The following SCLT1 variants were observed in gnomAD, a reference collection of about 807,000 sequenced individuals.
The protein encoded by SCLT1 is sodium channel and clathrin linker 1, also known as sodium channel-associated protein 1.
In SCLT1, 78 loss-of-function variants were observed where a neutral mutation model predicts 112.8. That is an observed-to-expected ratio of 0.69 (90% CI 0.58 to 0.83). The LOEUF is 0.83. SCLT1 is among the 40% of genes least tolerant of loss of function. The pLI is 0.00. For missense variants in SCLT1, 747 were observed against 770.4 expected, an observed-to-expected ratio of 0.97 and a Z score of 0.36; for synonymous variants, 257 against 254.7, an observed-to-expected ratio of 1.01 and a Z score of -0.09.
In SCLT1 at chr4:129,062,782, T is replaced by C. The variant is rs145720931; in HGVS notation, c.103-18731A>G. On this transcript the variant is annotated intron_variant, in intron 2 of 20. Transcript: ENST00000281142. ...GATTGCCTACGGAAGTTCCTTTGTATGTTATAAGTCCTTTTCTCTTGCTGC... is the reference window on the plus strand; with the variant it reads ...GATTGCCTACGGAAGTTCCTTTGTACGTTATAAGTCCTTTTCTCTTGCTGC... Among the ~76,000 whole-genome samples, 616 of 152,306 alleles carry C rather than the reference T, an allele frequency of 4.0e-3. 9 individuals carry two copies. The highest frequency in any genetic ancestry group is 0.016 in the East Asian group (84 of 5,186).
At position 129,051,338 on chromosome 4, in the gene SCLT1, T is replaced by C. The variant is rs547013823; in HGVS notation, c.103-7287A>G. ...GCACAGCATGGCCATTTTCACAATA[T>C]TGATTCTTCCTATCCATGAGCATGG... On this transcript the variant is annotated intron_variant, in intron 2 of 20. Transcript: ENST00000281142. Among the ~76,000 whole-genome samples, 53 of 152,322 alleles carry C rather than the reference T, an allele frequency of 3.5e-4. No homozygotes were observed. The South Asian group carries it at 5.2e-3, about 15-fold the overall frequency.
At chr4:128,878,015 C>A (rs570777214) in intron 3 of SCLT1, among the ~76,000 whole-genome samples, 1 of 152,212 alleles carries the variant, frequency 6.6e-6, no homozygotes, top group African/African-American at 2.4e-5. Flanking sequence ...AAAAGAATAA[C>A]TGAACTCTAC....
intron 5 of SCLT1, among the ~76,000 whole-genome samples, chr4:129,020,859 C>G (rs1396022324): frequency 3.3e-5 from 5 of 152,106 alleles, no homozygotes; most frequent in Non-Finnish European, 7.4e-5. Flanking sequence ...AAGCACTGTT[C>G]AGTGGTGGTA....
intron 2 of SCLT1, among the ~76,000 whole-genome samples, chr4:129,053,859 T>C (rs1035951303): frequency 6.6e-6 from 1 of 152,114 alleles, no homozygotes; most frequent in Non-Finnish European, 1.5e-5. Context: ...CAATGGTCTT[T>C]ACAATTTGGT....
At chr4:128,934,791 C>T (rs1431477237) in intron 18 of SCLT1, among the ~76,000 whole-genome samples, 2 of 151,656 alleles carry the variant, frequency 1.3e-5, no homozygotes, top group South Asian at 2.1e-4. Context: ...GTTTTGTCAA[C>T]CTTTTATTTC....
intron 15 of SCLT1, 74 bp downstream of exon 15, chr4:128,948,422 A>C (rs1738393178): frequency 6.5e-7 from 1 of 1,534,292 alleles, no homozygotes; most frequent in East Asian, 2.4e-5. Context: ...AGTAGATGGC[A>C]TGATGGAGGC....
At chr4:129,071,681 T>A (rs1172721744) in intron 2 of SCLT1, among the ~76,000 whole-genome samples, 2 of 152,198 alleles carry the variant, frequency 1.3e-5, no homozygotes, top group Admixed American at 1.3e-4. Flanking sequence ...TTTAAGTTTA[T>A]GTGAGTCCTT....
At chr4:129,024,810 A>C (rs1294391009) in intron 5 of SCLT1, among the ~76,000 whole-genome samples, 1 of 152,168 alleles carries the variant, frequency 6.6e-6, no homozygotes, top group Non-Finnish European at 1.5e-5. Flanking sequence ...AAAAAAATTT[A>C]GATGAATGTA....
At chr4:129,059,671 A>G (rs1250459167) in intron 2 of SCLT1, among the ~76,000 whole-genome samples, 1 of 151,994 alleles carries the variant, frequency 6.6e-6, no homozygotes, top group African/African-American at 2.4e-5. Context: ...TGGTACTTTG[A>G]CCATTCTCTC....
intron 10 of SCLT1, among the ~76,000 whole-genome samples, chr4:128,965,955 C>T (rs1579532474): frequency 6.6e-6 from 1 of 151,348 alleles, no homozygotes; most frequent in African/African-American, 2.4e-5. Flanking sequence ...GCTCAGCCTC[C>T]CGAGTAGCTG....
chr4:129,040,115 C>T lies in SCLT1; in HGVS notation c.235-1019G>A, dbSNP rs182810575. 37 of 693,796 alleles carry T rather than the reference C, an allele frequency of 5.3e-5. 1 individual carries two copies. Among genetic ancestry groups the T allele is most frequent in the African/African-American group, 2.4e-4 (14 of 57,148 alleles). The allele number at this position is 693,796 out of a possible 1,614,324, so 43.0% of individuals were successfully genotyped here. On this transcript the variant is annotated intron_variant, in intron 4 of 20. Transcript: ENST00000281142. ...CCAGCCTTTTTCTCTCTCTTTCAAC[C>T]GAGAAGATCAAGGAAGCTTGGTCTA...
intron 12 of SCLT1, among the ~76,000 whole-genome samples, chr4:128,957,895 T>C (rs1176682079): frequency 6.6e-6 from 1 of 152,170 alleles, no homozygotes; most frequent in Non-Finnish European, 1.5e-5. Context: ...GTTTTCCTCC[T>C]ATCTCACTGA....
chr4:129,087,667 G>C (rs1048246860), intron 1 of SCLT1, among the ~76,000 whole-genome samples: 31 of 149,570 alleles, frequency 2.1e-4, no homozygotes, highest in Non-Finnish European at 1.2e-4. Context: ...GGCAGGTGGA[G>C]GGCTTCAGCC....
At chr4:129,027,004 G>T (rs1746165799) in intron 5 of SCLT1, among the ~76,000 whole-genome samples, 1 of 152,110 alleles carries the variant, frequency 6.6e-6, no homozygotes, top group African/African-American at 2.4e-5. Flanking sequence ...AAACCAGGAA[G>T]AAGTTGAATC....
At chr4:128,895,956 A>G (rs1291941589) in intron 18 of SCLT1, among the ~76,000 whole-genome samples, 1 of 152,218 alleles carries the variant, frequency 6.6e-6, no homozygotes, top group Non-Finnish European at 1.5e-5. Context: ...CAGCAGTCTG[A>G]GATCAAACTG....
intron 2 of SCLT1, among the ~76,000 whole-genome samples, chr4:129,057,892 C>T (rs1003589630): frequency 6.6e-6 from 1 of 151,934 alleles, no homozygotes; most frequent in Non-Finnish European, 1.5e-5. Context: ...ACTGAAATTA[C>T]AGGCACCCAC....
In SCLT1 at chr4:128,952,845, A is replaced by G. The variant is rs1274981517; in HGVS notation, c.1147-5T>C. ...TTGTTTTTTGGTGTTTGCAACCTGT[A>G]AATTAAGACATTTACTCATTATTTG... On this transcript the variant is annotated splice_polypyrimidine_tract_variant and splice_region_variant and intron_variant, in intron 13 of 20. Transcript: ENST00000281142. The G allele has an allele frequency of 7.2e-7, 1 of 1,385,942 alleles. No individual in the cohort carries two copies. The allele number at this position is 1,385,942 out of a possible 1,614,324, so 85.9% of individuals were successfully genotyped here.
chr4:129,032,500 AAAT>A (rs1330095969), intron 5 of SCLT1, among the ~76,000 whole-genome samples: 2 of 152,184 alleles, frequency 1.3e-5, no homozygotes, highest in East Asian at 3.8e-4. Context: ...GGATCGAATT[AAAT>A]GAAAGAGCTT....
chr4:128,923,791 G>C (rs1235597860), intron 18 of SCLT1, among the ~76,000 whole-genome samples: 1 of 151,864 alleles, frequency 6.6e-6, no homozygotes, highest in Non-Finnish European at 1.5e-5. Context: ...AAACATTTGT[G>C]TACAGGTTTT....
Sources: gnomAD v4.1 joint callset for allele counts (sites outside exome capture counted in the v4.1 genomes callset) on GRCh38, gnomAD v4.1.1 for gene constraint, MANE v1.5 for transcripts, NCBI Gene and HGNC (gene_info 2026-07-23, HGNC 2026-07-21) for gene names.